MACROD2: variants seen among roughly 807,000 people sequenced by gnomAD.
The protein encoded by MACROD2 is ADP-ribose glycohydrolase MACROD2.
In MACROD2, 36 loss-of-function variants were observed where a neutral mutation model predicts 70.4. The ratio of observed to expected loss-of-function variants is 0.51; its 90% CI spans 0.39 to 0.68. MACROD2 has a LOEUF of 0.68. Among genes scored for constraint, MACROD2 ranks in the 30% least tolerant of loss-of-function variants. The pLI is 0.00. For missense variants in MACROD2, 496 were observed against 538.4 expected (o/e 0.92, Z 0.78); for synonymous variants, 172 against 178.8 (o/e 0.96, Z 0.30).
rs1186791062 is a variant in MACROD2, at chr20:16,035,136, T to TAAAATATAATATAAAA, written c.1154-6065_1154-6064insAAAATATAATATAAAA. On this transcript the variant is annotated intron_variant, in intron 15 of 17. Transcript: ENST00000684519. ...AAAATATAATATAAAATATTATATATTATATATTATATATAAAATATAATA... is the reference window on the plus strand; with the variant it reads ...AAAATATAATATAAAATATTATATATAAAATATAATATAAAATATATATTATATATAAAATATAATA... 4.0e-3 allele frequency among the ~76,000 whole-genome samples: 306 copies of TAAAATATAATATAAAA among 77,040 alleles called. 4 individuals are homozygous for TAAAATATAATATAAAA. Among genetic ancestry groups the TAAAATATAATATAAAA allele is most frequent in the Non-Finnish European group, 4.9e-3 (174 of 35,602 alleles). 50.5% of individuals were successfully genotyped at this position (77,040 alleles called of 152,430 possible).
At chr20:15,238,644 A>C (rs952255131) in intron 6 of MACROD2, among the ~76,000 whole-genome samples, 1 of 152,152 alleles carries the variant, frequency 6.6e-6, no homozygotes, top group Non-Finnish European at 1.5e-5. Flanking sequence ...TTCTTTTTGT[A>C]AGAGTGTCTG....
intron 5 of MACROD2, among the ~76,000 whole-genome samples, chr20:14,707,873 G>T (rs17775664): frequency 0.3 from 44,980 of 152,048 alleles, 6,757 homozygotes; most frequent in East Asian, 0.35. Flanking sequence ...ATACTCATAA[G>T]GTTTGGATTA....
At chr20:15,223,190 C>T (rs1388665973) in intron 5 of MACROD2, among the ~76,000 whole-genome samples, 5 of 152,178 alleles carry the variant, frequency 3.3e-5, no homozygotes, top group African/African-American at 1.2e-4. Flanking sequence ...CACAAAAGGG[C>T]CTGCCATCTC....
intron 8 of MACROD2, among the ~76,000 whole-genome samples, chr20:15,813,579 A>C (rs1055305455): frequency 6.6e-6 from 1 of 152,178 alleles, no homozygotes; most frequent in African/African-American, 2.4e-5. Context: ...TGAGTTCAAG[A>C]CCAGCATGGG....
intron 8 of MACROD2, among the ~76,000 whole-genome samples, chr20:15,573,392 C>T (rs11908184): frequency 0.016 from 2,503 of 152,182 alleles, 66 homozygotes; most frequent in African/African-American, 0.057. Flanking sequence ...TATAGGAGTA[C>T]GTGCACAGAT....
chr20:15,856,173 A>G (rs2064354441), intron 8 of MACROD2, among the ~76,000 whole-genome samples: 1 of 152,184 alleles, frequency 6.6e-6, no homozygotes, highest in African/African-American at 2.4e-5. Context: ...GTCAGTCTAT[A>G]TCTTTGTCTT....
intron 3 of MACROD2, among the ~76,000 whole-genome samples, chr20:14,231,489 A>G (rs1460868488): frequency 1.3e-5 from 2 of 152,140 alleles, no homozygotes; most frequent in Non-Finnish European, 2.9e-5. Flanking sequence ...TTATGGCTGC[A>G]TAGTATTCCA....
intron 5 of MACROD2, among the ~76,000 whole-genome samples, chr20:15,224,997 G>A (rs1054481225): frequency 3.3e-5 from 5 of 149,286 alleles, no homozygotes; most frequent in East Asian, 2.0e-4. Flanking sequence ...CCTATCCTAC[G>A]TTACCACTTT....
At chr20:14,518,029 C>G (rs1040792218) in intron 4 of MACROD2, among the ~76,000 whole-genome samples, 10 of 151,906 alleles carry the variant, frequency 6.6e-5, no homozygotes, top group African/African-American at 2.4e-4. Flanking sequence ...AATCATTTGT[C>G]AGTTTACAAT....
At chr20:15,469,821 A>G (rs1185411560) in intron 7 of MACROD2, among the ~76,000 whole-genome samples, 1 of 152,180 alleles carries the variant, frequency 6.6e-6, no homozygotes, top group Non-Finnish European at 1.5e-5. Flanking sequence ...CACCGACTCC[A>G]TACCAGGCCC....
chr20:15,176,864 A>T (rs925999683), intron 5 of MACROD2, among the ~76,000 whole-genome samples: 8 of 152,140 alleles, frequency 5.3e-5, no homozygotes, highest in African/African-American at 1.9e-4. Flanking sequence ...CAGAGCTGTG[A>T]CACCCTCTTT....
At chr20:14,987,817 C>T (rs1429697666) in intron 5 of MACROD2, among the ~76,000 whole-genome samples, 1 of 152,010 alleles carries the variant, frequency 6.6e-6, no homozygotes, top group Non-Finnish European at 1.5e-5. Flanking sequence ...AGAACGCTTT[C>T]ATTAAGATTC....
intron 4 of MACROD2, among the ~76,000 whole-genome samples, chr20:14,527,728 C>G (rs1019606976): frequency 6.6e-6 from 1 of 152,174 alleles, no homozygotes; most frequent in African/African-American, 2.4e-5. Context: ...GTCTAGAAAA[C>G]TATTTCTTAG....
At chr20:14,102,779 A>G (rs2054317691) in intron 3 of MACROD2, among the ~76,000 whole-genome samples, 1 of 152,068 alleles carries the variant, frequency 6.6e-6, no homozygotes, top group South Asian at 2.1e-4. Flanking sequence ...ATATATGGGG[A>G]TATATGGGGA....
chr20:14,718,592 GTC>G (rs957550974), intron 5 of MACROD2, among the ~76,000 whole-genome samples: 2 of 152,142 alleles, frequency 1.3e-5, no homozygotes, highest in Non-Finnish European at 2.9e-5. Context: ...GGTTCATGGA[GTC>G]TGAGTTCCTA....
intron 3 of MACROD2, among the ~76,000 whole-genome samples, chr20:14,150,410 A>G (rs1274389620): frequency 2.0e-5 from 3 of 152,214 alleles, no homozygotes; most frequent in Non-Finnish European, 4.4e-5. Flanking sequence ...CCCGTAATCA[A>G]AGTAAAGTCT....
At chr20:15,868,474 A>G (rs1227453375) in intron 9 of MACROD2, among the ~76,000 whole-genome samples, 1 of 152,188 alleles carries the variant, frequency 6.6e-6, no homozygotes, top group Non-Finnish European at 1.5e-5. Context: ...TGATCATTAC[A>G]TAGGTTTTAT....
At chr20:15,813,336 A>C (rs2063839682) in intron 8 of MACROD2, among the ~76,000 whole-genome samples, 1 of 152,226 alleles carries the variant, frequency 6.6e-6, no homozygotes, top group African/African-American at 2.4e-5. Context: ...AGGCAAAACA[A>C]GGCAGCCCTG....
At chr20:14,253,382 C>T (rs562183601) in intron 3 of MACROD2, among the ~76,000 whole-genome samples, 1 of 152,064 alleles carries the variant, frequency 6.6e-6, no homozygotes, top group Admixed American at 6.6e-5. Context: ...CAACAAATAA[C>T]TGAGGCAGAA....
Sources: gnomAD v4.1 joint callset for allele counts (sites outside exome capture counted in the v4.1 genomes callset) on GRCh38, gnomAD v4.1.1 for gene constraint, MANE v1.5 for transcripts, NCBI Gene and HGNC (gene_info 2026-07-23, HGNC 2026-07-21) for gene names.